Variants in NIBAN1 observed in about 807,000 individuals in gnomAD.
NIBAN1 encodes the protein protein Niban 1.
NIBAN1 carries 81 observed loss-of-function variants against 75.1 expected under a neutral mutation model. That is an observed-to-expected ratio of 1.08 (90% confidence interval 0.90 to 1.30). The LOEUF is 1.30. Among genes scored for constraint, NIBAN1 ranks in the 50% most tolerant of loss-of-function variants. The pLI, the probability that NIBAN1 is intolerant of heterozygous loss-of-function variation, is 0.00. For missense variants in NIBAN1, 1,133 were observed against 1,128.1 expected (o/e 1.00, Z -0.06); for synonymous variants, 436 against 424.8 (o/e 1.03, Z -0.32).
At chr1:184,944,081 A>C (rs1658164567) in intron 1 of NIBAN1, among the ~76,000 whole-genome samples, 1 of 152,234 alleles carries the variant, frequency 6.6e-6, no homozygotes, top group South Asian at 2.1e-4. Context: ...TACATGGAGC[A>C]TCAAGAAGTC....
intron 1 of NIBAN1, among the ~76,000 whole-genome samples, chr1:184,960,953 T>C (rs1308207385): frequency 6.9e-6 from 1 of 144,746 alleles, no homozygotes; most frequent in Non-Finnish European, 1.5e-5. Context: ...TTAATAGGCA[T>C]CCCCTCCCAT....
Position 184,879,712 on chromosome 1 carries a change from A to G in NIBAN1, c.601+4921T>C, listed in dbSNP as rs180958544. Among the ~76,000 whole-genome samples, 134 of 152,360 alleles carry G rather than the reference A, an allele frequency of 8.8e-4. 1 individual carries two copies. Among genetic ancestry groups the G allele is most frequent in the African/African-American group, 3.0e-3 (125 of 41,584 alleles). ...TATTGAACACCTAAAACTTGCAAGT[A>G]TCAAAATCAAATCTAATAAAGGCAT... On this transcript the variant is annotated intron_variant, in intron 5 of 13. Transcript: ENST00000367511.
Position 184,795,170 on chromosome 1 carries a change from A to G in NIBAN1, c.2594T>C (p.Met865Thr), listed in dbSNP as rs778260361. ...CTGGGCCGCGCTGCTTTGCCCTCCC[A>G]TCTCTTCTTGTTCCTCAGAAACCTG... ...ESQVSEEQEEMGGQSSAAQAT... is the reference protein window; with the variant it reads ...ESQVSEEQEETGGQSSAAQAT... Residue 865 changes from methionine to threonine, a missense_variant, in exon 14 of 14, where the codon ATG becomes ACG. Met to Thr is a moderately conservative substitution (Grantham distance 81). Transcript: ENST00000367511. 1.2e-6 allele frequency: 2 copies of G among 1,614,126 alleles called. No homozygotes were observed. The highest frequency in any genetic ancestry group is 2.2e-5 in the South Asian group (2 of 91,080).
At chr1:184,844,731 T>C (rs1011109060) in intron 5 of NIBAN1, among the ~76,000 whole-genome samples, 8 of 152,320 alleles carry the variant, frequency 5.3e-5, no homozygotes, top group African/African-American at 1.7e-4. Context: ...TCTAGGACAA[T>C]ACATCCCAGC....
rs201134233 is a variant in NIBAN1, at chr1:184,827,965, T to G, written c.717+3882A>C. Among the ~76,000 whole-genome samples, 170 of 150,960 alleles carry G rather than the reference T, an allele frequency of 1.1e-3. 3 individuals carry two copies. The highest frequency in any genetic ancestry group is 9.2e-3 in the Admixed American group (139 of 15,160). On this transcript the variant is annotated intron_variant, in intron 6 of 13. Transcript: ENST00000367511. ...TGCGGGTAGTTTTGTTTTTTGTTTT[T>G]TTTTTTTTTTTCCGTCTTGAAACTG...
rs981247413 is a variant in NIBAN1 at position 184,791,773 on chromosome 1, T to C, written c.*3204A>G. On this transcript the variant is annotated 3_prime_UTR_variant, in exon 14 of 14. Coordinates refer to ENST00000367511, the MANE Select transcript of NIBAN1 (RefSeq NM_052966.4). ...AAAATGCTGTTCATTTAGATCAGAA[T>C]AACCTCGCTCCAATCTGGAAACCAC... 1 of 152,152 alleles carries C rather than the reference T, an allele frequency of 6.6e-6. No individual in the cohort carries two copies. Among genetic ancestry groups the C allele is most frequent in the Admixed American group, 6.5e-5 (1 of 15,274 alleles). The allele number at this position is 152,152 out of a possible 1,614,324, so 9.4% of individuals were successfully genotyped here.
chr1:184,934,583 G>A (rs1254832843), intron 1 of NIBAN1, among the ~76,000 whole-genome samples: 2 of 152,128 alleles, frequency 1.3e-5, no homozygotes, highest in Non-Finnish European at 2.9e-5. Flanking sequence ...GGACAACACA[G>A]TAAGACTCCA....
chr1:184,919,251 T>C (rs1657468369), intron 1 of NIBAN1, among the ~76,000 whole-genome samples: 1 of 152,238 alleles, frequency 6.6e-6, no homozygotes, highest in South Asian at 2.1e-4. Flanking sequence ...TGGCCTGTCC[T>C]GACCTATAGG....
chr1:184,960,828 A>G (rs1309281), intron 1 of NIBAN1, among the ~76,000 whole-genome samples: 1 of 151,950 alleles, frequency 6.6e-6, no homozygotes, highest in African/African-American at 2.4e-5. Context: ...CAGGGTTTCA[A>G]CATGTTGACC....
In NIBAN1 at chr1:184,974,502, G is replaced by T; in HGVS notation, c.-146C>A. ...CGAGAGACAGGAGGCAAGAGGCGTC[G>T]CCTTCTGGGGCGCCTCCTCCAGGTC... On this transcript the variant is annotated 5_prime_UTR_variant, in exon 1 of 14. Transcript: ENST00000367511. 9.3e-7 allele frequency: 1 copy of T among 1,071,676 alleles called. No individual in the cohort carries two copies. The highest frequency in any genetic ancestry group is 1.3e-6 in the Non-Finnish European group (1 of 762,378). The allele number at this position is 1,071,676 out of a possible 1,614,324, so 66.4% of individuals were successfully genotyped here. A position where few individuals can be genotyped will look rare whatever the true frequency, so the allele number is the denominator to read the frequency against.
intron 9 of NIBAN1, among the ~76,000 whole-genome samples, chr1:184,810,608 C>A (rs1249503955): frequency 6.6e-6 from 1 of 152,244 alleles, no homozygotes; most frequent in African/African-American, 2.4e-5. Flanking sequence ...CATACTTCAA[C>A]TACTCATAGA....
chr1:184,890,765 C>A (rs1309080422), intron 3 of NIBAN1, among the ~76,000 whole-genome samples: 5 of 152,130 alleles, frequency 3.3e-5, no homozygotes, highest in Non-Finnish European at 7.4e-5. Context: ...TGTTTTGCAG[C>A]AAAATGGTTG....
At chr1:184,954,479 C>T (rs1658433205) in intron 1 of NIBAN1, among the ~76,000 whole-genome samples, 1 of 152,090 alleles carries the variant, frequency 6.6e-6, no homozygotes, top group African/African-American at 2.4e-5. Flanking sequence ...AAGACCAGGG[C>T]AAAGGCAAAT....
chr1:184,853,736 T>A (rs1463687681), intron 5 of NIBAN1, among the ~76,000 whole-genome samples: 1 of 151,902 alleles, frequency 6.6e-6, no homozygotes, highest in African/African-American at 2.4e-5. Flanking sequence ...CACACAAAAA[T>A]ACACATATAC....
intron 5 of NIBAN1, among the ~76,000 whole-genome samples, chr1:184,854,402 T>G (rs1311977278): frequency 6.6e-6 from 1 of 152,212 alleles, no homozygotes; most frequent in Non-Finnish European, 1.5e-5. Flanking sequence ...ATAGCACAGC[T>G]TATCCAATAG....
intron 1 of NIBAN1, among the ~76,000 whole-genome samples, chr1:184,905,335 C>T (rs778799869): frequency 2.6e-5 from 4 of 152,154 alleles, no homozygotes; most frequent in African/African-American, 7.2e-5. Flanking sequence ...AAGGGTCACA[C>T]CTCATTAGTC....
intron 1 of NIBAN1, among the ~76,000 whole-genome samples, chr1:184,917,663 T>A (rs1007830871): frequency 6.6e-6 from 1 of 152,108 alleles, no homozygotes; most frequent in African/African-American, 2.4e-5. Context: ...CATCTCATCA[T>A]CTACTATACT....
chr1:184,802,818 G>T (rs1393319730), intron 12 of NIBAN1, among the ~76,000 whole-genome samples: 3 of 152,198 alleles, frequency 2.0e-5, no homozygotes, highest in African/African-American at 7.2e-5. Flanking sequence ...AGTGGTAGTA[G>T]TACTTGATAC....
At chr1:184,922,434 C>T (rs1657581119) in intron 1 of NIBAN1, among the ~76,000 whole-genome samples, 1 of 152,168 alleles carries the variant, frequency 6.6e-6, no homozygotes, top group African/African-American at 2.4e-5. Flanking sequence ...GTTCTACTCT[C>T]TACCTCCGTG....
Sources: gnomAD v4.1 joint callset for allele counts (sites outside exome capture counted in the v4.1 genomes callset) on GRCh38, gnomAD v4.1.1 for gene constraint, MANE v1.5 for transcripts, NCBI Gene and HGNC (gene_info 2026-07-23, HGNC 2026-07-21) for gene names.